Variants in TBC1D14 observed in about 807,000 individuals in gnomAD.
The protein encoded by TBC1D14 is TBC1 domain family member 14, also known as TBC1 domain family, member 14.
In TBC1D14, 26 loss-of-function variants were observed where a neutral mutation model predicts 79.0. That is an observed-to-expected ratio of 0.33 (90% CI 0.24 to 0.46). TBC1D14 has a LOEUF of 0.46. TBC1D14 is among the 20% of genes least tolerant of loss of function. The probability of loss-of-function intolerance (pLI) is 1.00; values close to 1 mark genes in which losing one functional copy is unlikely to be tolerated. For synonymous variants in TBC1D14, 394 were observed against 349.9 expected (o/e 1.13, Z -1.40); for missense variants, 769 against 887.6 (o/e 0.87, Z 1.70).
At chr4:6,983,888 C>G (rs1358437965) in intron 3 of TBC1D14, among the ~76,000 whole-genome samples, 1 of 152,128 alleles carries the variant, frequency 6.6e-6, no homozygotes, top group Non-Finnish European at 1.5e-5. Context: ...CTAAGTTTTG[C>G]TTATTTTTCC....
intron 7 of TBC1D14, among the ~76,000 whole-genome samples, chr4:7,002,292 G>A (rs1719752655): frequency 6.6e-6 from 1 of 152,132 alleles, no homozygotes; most frequent in Non-Finnish European, 1.5e-5. Flanking sequence ...TTTAACTTGT[G>A]GAAATGGTTT....
At chr4:6,927,521 A>G (rs567154406) in intron 2 of TBC1D14, among the ~76,000 whole-genome samples, 1 of 152,324 alleles carries the variant, frequency 6.6e-6, no homozygotes, top group African/African-American at 2.4e-5. Flanking sequence ...AAACATTATC[A>G]TTTCTAAAAA....
intron 4 of TBC1D14, among the ~76,000 whole-genome samples, chr4:6,994,529 A>G (rs139686383): frequency 2.6e-5 from 4 of 152,204 alleles, no homozygotes; most frequent in African/African-American, 9.6e-5. Context: ...CGTTCAGGTA[A>G]TTTTTCTTTT....
chr4:6,963,178 C>T (rs1160495286), intron 2 of TBC1D14, among the ~76,000 whole-genome samples: 1 of 152,252 alleles, frequency 6.6e-6, no homozygotes, highest in African/African-American at 2.4e-5. Context: ...GAGGACTTCC[C>T]ATGTCGGGGG....
chr4:7,025,438 C>T (rs1577193520), intron 13 of TBC1D14, among the ~76,000 whole-genome samples, 176 bp downstream of exon 13: 1 of 149,546 alleles, frequency 6.7e-6, no homozygotes, highest in Non-Finnish European at 1.5e-5. Flanking sequence ...CTCGGCGGGT[C>T]GCCTCCTCTT....
chr4:7,004,797 G>A (rs746701266), intron 7 of TBC1D14, 47 bp from the exon 8 acceptor site: 116 of 1,591,430 alleles, frequency 7.3e-5, no homozygotes, highest in Non-Finnish European at 9.4e-5. Flanking sequence ...TGGTTTTGAC[G>A]AAAAATACAT....
chr4:7,021,779 A>G, intron 12 of TBC1D14, among the ~76,000 whole-genome samples: 1 of 152,140 alleles, frequency 6.6e-6, no homozygotes. Context: ...ATCTTTTGGG[A>G]GAGAAAAACC....
chr4:6,957,977 T>C (rs965801429), intron 2 of TBC1D14, among the ~76,000 whole-genome samples: 2 of 150,702 alleles, frequency 1.3e-5, no homozygotes, highest in African/African-American at 4.9e-5. Flanking sequence ...GTTTTTATCA[T>C]CCCCTTGTTG....
chr4:6,912,289 A>G (rs1193641934), intron 1 of TBC1D14, among the ~76,000 whole-genome samples: 1 of 152,060 alleles, frequency 6.6e-6, no homozygotes, highest in South Asian at 2.1e-4. Context: ...CCGAGGCAGG[A>G]GAATCGCTTG....
At chr4:6,925,765 G>T (rs1025854920) in intron 2 of TBC1D14, among the ~76,000 whole-genome samples, 9 of 152,188 alleles carry the variant, frequency 5.9e-5, no homozygotes, top group Non-Finnish European at 1.0e-4. Context: ...CCATATCGCG[G>T]TGTTGCTGTG....
chr4:6,977,981 G>A (rs1477992462), intron 3 of TBC1D14, among the ~76,000 whole-genome samples: 1 of 151,588 alleles, frequency 6.6e-6, no homozygotes, highest in Non-Finnish European at 1.5e-5. Context: ...CCCCGTCTGA[G>A]AAGTGAGGAG....
intron 12 of TBC1D14, among the ~76,000 whole-genome samples, chr4:7,018,689 C>T (rs1018678496): frequency 3.3e-5 from 5 of 152,212 alleles, no homozygotes; most frequent in African/African-American, 1.2e-4. Context: ...CCTTCCTGGC[C>T]GTTCTTTAAT....
intron 1 of TBC1D14, among the ~76,000 whole-genome samples, chr4:6,915,486 A>G (rs1244223946): frequency 1.3e-5 from 2 of 152,172 alleles, no homozygotes; most frequent in African/African-American, 4.8e-5. Context: ...TGTGAGCAGC[A>G]AAGCTTACTG....
At chr4:6,960,515 C>G (rs926075074) in intron 2 of TBC1D14, among the ~76,000 whole-genome samples, 1 of 152,108 alleles carries the variant, frequency 6.6e-6, no homozygotes, top group South Asian at 2.1e-4. Flanking sequence ...ACATGGCATG[C>G]CTTGTATGAT....
At chr4:7,023,304 G>GT (rs1722015950) in intron 12 of TBC1D14, among the ~76,000 whole-genome samples, 1 of 152,084 alleles carries the variant, frequency 6.6e-6, no homozygotes, top group Non-Finnish European at 1.5e-5. Context: ...TTCCCCATCC[G>GT]TTTTTTTCTC....
Position 7,006,620 on chromosome 4 carries a change from A to G in TBC1D14, c.1352-12A>G, listed in dbSNP as rs374691016. ...CTTGAGGAATGTAATTATTTTTGGC[A>G]TCTTTTGACAGATGCTGGTTTTTCA... On this transcript the variant is annotated splice_polypyrimidine_tract_variant and intron_variant, in intron 8 of 13. Coordinates refer to ENST00000409757, the MANE Select transcript of TBC1D14 (RefSeq NM_020773.3). 5 of 1,611,820 alleles carry G rather than the reference A, an allele frequency of 3.1e-6. No individual in the cohort carries two copies. Among genetic ancestry groups the G allele is most frequent in the Non-Finnish European group, 3.4e-6 (4 of 1,178,776 alleles).
chr4:6,953,507 T>A (rs1416491662), intron 2 of TBC1D14, among the ~76,000 whole-genome samples: 1 of 144,282 alleles, frequency 6.9e-6, no homozygotes, highest in Non-Finnish European at 1.5e-5. Flanking sequence ...GGCGGGCGCC[T>A]GTAGTCCCAG....
At chr4:6,959,862 C>T (rs4689568) in intron 2 of TBC1D14, among the ~76,000 whole-genome samples, 115,420 of 152,000 alleles carry the variant, frequency 0.76, 44,841 homozygotes, top group East Asian at 0.97. Flanking sequence ...GCAGAAAAAT[C>T]CTGTACTTTT....
In TBC1D14 at chr4:6,999,148, T is replaced by C; in HGVS notation, c.1109T>C (p.Ile370Thr). 5 of 1,614,132 alleles carry C rather than the reference T, an allele frequency of 3.1e-6. No individual in the cohort carries two copies. The highest frequency in any genetic ancestry group is 4.2e-6 in the Non-Finnish European group (5 of 1,180,024). The change falls in exon 6 of 14, where the codon ATT becomes ACT. Residue 370 changes from isoleucine (I) to threonine (T), a missense_variant. Ile to Thr is a moderately conservative substitution (Grantham distance 89). This residue lies in a region of TBC1D14 where 367 missense variants were observed against 494.4 expected (regional missense o/e 0.74). Transcript: ENST00000409757. ...GAAAGATGCAGAGTCGAGGAAAGCA[T>C]TGGAAACGCTGTGCTCACCTGGAAT... ...LEERCRVEESIGNAVLTWNNE... is the reference protein window; with the variant it reads ...LEERCRVEESTGNAVLTWNNE...
Sources: gnomAD v4.1 joint callset for allele counts (sites outside exome capture counted in the v4.1 genomes callset) on GRCh38, gnomAD v4.1.1 for gene constraint, gnomAD v4.1.1 regional missense constraint, MANE v1.5 for transcripts, NCBI Gene and HGNC (gene_info 2026-07-23, HGNC 2026-07-21) for gene names.